CELSR1: variants seen among roughly 807,000 people sequenced by gnomAD.
CELSR1 encodes adhesion G protein-coupled receptor C1.
A neutral mutation model predicts 249.1 loss-of-function variants in CELSR1; 110 were observed. The ratio of observed to expected loss-of-function variants is 0.44; its 90% CI spans 0.38 to 0.52. The LOEUF (loss-of-function observed/expected upper bound fraction) is 0.52, where lower values mean the gene tolerates loss of function less well. CELSR1 is among the 20% of genes least tolerant of loss of function. The pLI, the probability that CELSR1 is intolerant of heterozygous loss-of-function variation, is 0.00. For missense variants in CELSR1, 4,109 were observed against 4,296.4 expected (o/e 0.96, Z 1.22); for synonymous variants, 2,113 against 1,900.0 (o/e 1.11, Z -2.92).
Position 46,451,020 on chromosome 22 carries a change from C to T in CELSR1, c.4184-11609G>A, listed in dbSNP as rs564967485. ...CTCACTGCCTTCCTGAGACAGGAGGCACCCTCTGTTCACCCCTCCATGCCC... is the reference window on the plus strand; with the variant it reads ...CTCACTGCCTTCCTGAGACAGGAGGTACCCTCTGTTCACCCCTCCATGCCC... On this transcript the variant is annotated intron_variant, in intron 2 of 34. Transcript: ENST00000674500. 2.3e-4 allele frequency among the ~76,000 whole-genome samples: 35 copies of T among 152,296 alleles called. No individual in the cohort carries two copies. In the East Asian group the frequency reaches 6.6e-3, roughly 29 times the overall value.
At position 46,428,589 on chromosome 22, in the gene CELSR1, TA is replaced by T. The variant is rs1284439175; in HGVS notation, c.4611+4803del. ...GACCTCTTGGTTGTCAAAACCGGGT[TA>T]GGGGAACAGCTGGAGTCTAGTGACC... On this transcript the variant is annotated intron_variant, in intron 5 of 34. Coordinates refer to ENST00000674500, the MANE Select transcript of CELSR1 (RefSeq NM_001378328.1). This position sits in a 1 kb window ranked among gnomAD's most constrained non-coding sequence, Gnocchi z 5.7. Among the ~76,000 whole-genome samples, 2 of 152,222 alleles carry T rather than the reference TA, an allele frequency of 1.3e-5. No individual in the cohort carries two copies. Among genetic ancestry groups the T allele is most frequent in the African/African-American group, 4.8e-5 (2 of 41,460 alleles).
chr22:46,376,137 TTTTC>T (rs1018715498), intron 24 of CELSR1, among the ~76,000 whole-genome samples: 13 of 152,218 alleles, frequency 8.5e-5, no homozygotes, highest in African/African-American at 2.2e-4. Flanking sequence ...GTTCAAAGGT[TTTTC>T]TTTCTTTCTA....
chr22:46,369,088 G>A lies in CELSR1; in HGVS notation c.7952+91C>T, dbSNP rs775807081. 1.9e-4 allele frequency: 222 copies of A among 1,193,006 alleles called. No individual in the cohort carries two copies. Among genetic ancestry groups the A allele is most frequent in the Middle Eastern group, 4.1e-4 (2 of 4,878 alleles). The allele number at this position is 1,193,006 out of a possible 1,614,324, so 73.9% of individuals were successfully genotyped here. A position where few individuals can be genotyped will look rare whatever the true frequency, so the allele number is the denominator to read the frequency against. On this transcript the variant is annotated intron_variant, in intron 27 of 34. Transcript: ENST00000674500. ...CAGCCCTCCTCCATGAGGCCTACAC[G>A]CTCTCATGGGGCCCCACCCCGCAGA...
chr22:46,502,074 A>G (rs2080471316), intron 1 of CELSR1, among the ~76,000 whole-genome samples: 1 of 151,834 alleles, frequency 6.6e-6, no homozygotes, highest in African/African-American at 2.4e-5. Context: ...AGACCAGTCC[A>G]GGCAATGTAG....
Position 46,423,654 on chromosome 22 carries a change from T to C in CELSR1, c.4611+9739A>G, listed in dbSNP as rs2079505057. Among the ~76,000 whole-genome samples, 1 of 149,152 alleles carries C rather than the reference T, an allele frequency of 6.7e-6. No homozygotes were observed. The highest frequency in any genetic ancestry group is 1.5e-5 in the Non-Finnish European group (1 of 67,600). On this transcript the variant is annotated intron_variant, in intron 5 of 34. Coordinates refer to ENST00000674500, the MANE Select transcript of CELSR1 (RefSeq NM_001378328.1). The surrounding 1 kb of genome is among the most constrained non-coding windows in gnomAD (Gnocchi z 5.6). ...CCATGCTTTAGGCAGTTTATGACCT[T>C]GAAAAAGCTATCCGATGAGCACTAT...
At chr22:46,367,693 G>A (rs1385265640) in intron 28 of CELSR1, 36 bp downstream of exon 28, 7 of 1,572,016 alleles carry the variant, frequency 4.5e-6, no homozygotes, top group Non-Finnish European at 6.0e-6. Context: ...ACGGCGGCCA[G>A]GCAGGGGTCC....
chr22:46,524,505 G>A (rs1303394322), intron 1 of CELSR1, among the ~76,000 whole-genome samples: 3 of 152,012 alleles, frequency 2.0e-5, no homozygotes, highest in African/African-American at 2.4e-5. Flanking sequence ...TACCCCACAC[G>A]ATGACCTTGA....
chr22:46,369,843 G>T, intron 25 of CELSR1, 39 bp from the exon 26 acceptor site: 1 of 1,559,610 alleles, frequency 6.4e-7, no homozygotes, highest in South Asian at 1.1e-5. Context: ...TGAGGGCCAC[G>T]TGCCCAGTGG....
In CELSR1 at chr22:46,380,709, C is replaced by T; in HGVS notation, c.7256+79G>A. 1 of 1,527,212 alleles carries T rather than the reference C, an allele frequency of 6.5e-7. No homozygotes were observed. The highest frequency in any genetic ancestry group is 8.9e-7 in the Non-Finnish European group (1 of 1,126,672). The allele number at this position is 1,527,212 out of a possible 1,614,324, so 94.6% of individuals were successfully genotyped here. ...CAAGAGACCGTCCTCTTGGGGCGCT[C>T]TGCCACTGAGCCCCCGACCCTGCGG... On this transcript the variant is annotated intron_variant, in intron 22 of 34. Transcript: ENST00000674500. The surrounding 1 kb of genome is among the most constrained non-coding windows in gnomAD (Gnocchi z 5.1).
rs2080172261 is a variant in CELSR1, at chr22:46,473,087, C to T, written c.3545-8742G>A. Among the ~76,000 whole-genome samples, 1 of 152,086 alleles carries T rather than the reference C, an allele frequency of 6.6e-6. No homozygotes were observed. The highest frequency in any genetic ancestry group is 2.1e-4 in the South Asian group (1 of 4,820). ...GCACGGAGGCAGGGGGTGGGTGAACCTCCGACTGCTGCCGGCCTCGTGGGC... is the reference window on the plus strand; with the variant it reads ...GCACGGAGGCAGGGGGTGGGTGAACTTCCGACTGCTGCCGGCCTCGTGGGC... On this transcript the variant is annotated intron_variant, in intron 1 of 34. Transcript: ENST00000674500. The surrounding 1 kb of genome is among the most constrained non-coding windows in gnomAD (Gnocchi z 6.6).
rs1404942811 is a variant in CELSR1 at position 46,429,500 on chromosome 22, T to C, written c.4611+3893A>G. Among the ~76,000 whole-genome samples, 1 of 152,248 alleles carries C rather than the reference T, an allele frequency of 6.6e-6. No individual in the cohort carries two copies. The highest frequency in any genetic ancestry group is 2.4e-5 in the African/African-American group (1 of 41,474). ...ACACAAATGTACAAGTGCCTGCCTT[T>C]GAAAAGACCGTCCTGGAAAAACGTC... On this transcript the variant is annotated intron_variant, in intron 5 of 34. Transcript: ENST00000674500. This position sits in a 1 kb window ranked among gnomAD's most constrained non-coding sequence, Gnocchi z 4.1.
intron 19 of CELSR1, 92 bp from the exon 20 acceptor site, chr22:46,384,778 C>A: frequency 7.5e-7 from 1 of 1,332,106 alleles, no homozygotes; most frequent in South Asian, 1.6e-5. Flanking sequence ...CACACTGACG[C>A]TGGCTGGCCA....
Position 46,500,117 on chromosome 22 carries a change from C to T in CELSR1, c.3544+33510G>A, listed in dbSNP as rs1251173653. Among the ~76,000 whole-genome samples, 3 of 145,936 alleles carry T rather than the reference C, an allele frequency of 2.1e-5. No homozygotes were observed. Among genetic ancestry groups the T allele is most frequent in the Non-Finnish European group, 3.0e-5 (2 of 67,094 alleles). The stretch of plus-strand genomic sequence containing the variant: ...CAGCCCCTGATCCTCCCAGCATGAT[C>T]CCACCCCAGCCCCTGGTCCTCCCAG... On this transcript the variant is annotated intron_variant, in intron 1 of 34. Coordinates refer to ENST00000674500, the MANE Select transcript of CELSR1 (RefSeq NM_001378328.1). The surrounding 1 kb of genome is among the most constrained non-coding windows in gnomAD (Gnocchi z 4.9).
At chr22:46,369,937 A>C in intron 25 of CELSR1, 133 bp from the exon 26 acceptor site, 1 of 762,490 alleles carries the variant, frequency 1.3e-6, no homozygotes, top group Non-Finnish European at 2.3e-6. Flanking sequence ...CAAGGAGTCC[A>C]GGGAGCCAGC....
intron 2 of CELSR1, among the ~76,000 whole-genome samples, chr22:46,443,904 G>C (rs1211568848): frequency 2.0e-5 from 3 of 152,232 alleles, no homozygotes; most frequent in Non-Finnish European, 4.4e-5. Flanking sequence ...ACATTTGGGA[G>C]TGTTTGCTTT....
Position 46,484,663 on chromosome 22 carries a change from G to C in CELSR1, c.3545-20318C>G, listed in dbSNP as rs763836338. On this transcript the variant is annotated intron_variant, in intron 1 of 34. Coordinates refer to ENST00000674500, the MANE Select transcript of CELSR1 (RefSeq NM_001378328.1). This position sits in a 1 kb window ranked among gnomAD's most constrained non-coding sequence, Gnocchi z 4.5. Reference sequence around the variant, plus strand: ...GCACCTGTTTTGGCTGGGCATGGGGGTTCTGCCCCAGAGACCCTGTGGCCA... The same window carrying C: ...GCACCTGTTTTGGCTGGGCATGGGGCTTCTGCCCCAGAGACCCTGTGGCCA... Among the ~76,000 whole-genome samples the C allele has an allele frequency of 2.1e-5, 3 of 143,590 alleles. No individual in the cohort carries two copies. Among genetic ancestry groups the C allele is most frequent in the Non-Finnish European group, 3.0e-5 (2 of 66,308 alleles). The allele number at this position is 143,590 out of a possible 152,430, so 94.2% of individuals were successfully genotyped here. A position where few individuals can be genotyped will look rare whatever the true frequency, so the allele number is the denominator to read the frequency against.
Position 46,396,661 on chromosome 22 carries a change from C to T in CELSR1, c.5787G>A (p.Pro1929=), listed in dbSNP as rs752880984. Residue 1929 remains proline (P), a synonymous_variant, in exon 13 of 35, where the codon CCG becomes CCA. Transcript: ENST00000674500. This position sits in a 1 kb window ranked among gnomAD's most constrained non-coding sequence, Gnocchi z 6.4. ...MGACVRSPGS[P]QGYVCECGPS... ...GCCCACACTCGCACACGTAGCCCTG[C>T]GGGGAGCCGGGGGAGCGCACGCAGG... The T allele has an allele frequency of 1.6e-5, 25 of 1,611,698 alleles. No homozygotes were observed. In the Admixed American group the frequency reaches 2.2e-4, roughly 14 times the overall value.
rs988912131 is a variant in CELSR1, at chr22:46,440,201, A to G, written c.4184-790T>C. 1.3e-5 allele frequency among the ~76,000 whole-genome samples: 2 copies of G among 152,092 alleles called. No individual in the cohort carries two copies. The highest frequency in any genetic ancestry group is 2.4e-5 in the African/African-American group (1 of 41,410). ...GAACCTCATCTGCTCGGAGGGTCTC[A>G]GTGTTCGCCATGCTTCGACCCAGTT... On this transcript the variant is annotated intron_variant, in intron 2 of 34. Coordinates refer to ENST00000674500, the MANE Select transcript of CELSR1 (RefSeq NM_001378328.1). This position sits in a 1 kb window ranked among gnomAD's most constrained non-coding sequence, Gnocchi z 4.7.
chr22:46,530,886 T>C lies in CELSR1; in HGVS notation c.3544+2741A>G, dbSNP rs190138990. 2.0e-4 allele frequency among the ~76,000 whole-genome samples: 31 copies of C among 152,316 alleles called. No individual in the cohort carries two copies. In the East Asian group the frequency reaches 5.6e-3, roughly 27 times the overall value. ...GCTCCCACTAAACGTAGTCGATGGC[T>C]GGCCTGTTGCATACAGCACCTCCAG... On this transcript the variant is annotated intron_variant, in intron 1 of 34. Transcript: ENST00000674500.
Sources: gnomAD v4.1 joint callset for allele counts (sites outside exome capture counted in the v4.1 genomes callset) on GRCh38, gnomAD v4.1.1 for gene constraint, Gnocchi (gnomAD v3.1) non-coding constraint, MANE v1.5 for transcripts, NCBI Gene and HGNC (gene_info 2026-07-23, HGNC 2026-07-21) for gene names.